Variants in SFSWAP observed in about 807,000 individuals in gnomAD.
The protein encoded by SFSWAP is splicing factor, suppressor of white-apricot homolog.
A neutral mutation model predicts 100.7 loss-of-function variants in SFSWAP; 17 were observed. That is an observed-to-expected ratio of 0.17 (90% confidence interval 0.12 to 0.25). SFSWAP has a LOEUF of 0.25. Ranked by LOEUF, SFSWAP falls within the 10% of genes least tolerant of loss-of-function variation. The probability of loss-of-function intolerance (pLI) is 1.00; values close to 1 mark genes in which losing one functional copy is unlikely to be tolerated. For missense variants in SFSWAP, 1,005 were observed against 1,262.6 expected (o/e 0.80, Z 3.09); for synonymous variants, 504 against 510.1 (o/e 0.99, Z 0.16).
chr12:131,743,689 C>A (rs926043865), intron 7 of SFSWAP, among the ~76,000 whole-genome samples: 2 of 152,186 alleles, frequency 1.3e-5, no homozygotes, highest in Admixed American at 6.5e-5. Context: ...GGATGGTGGC[C>A]CTCTTCTCAC....
chr12:131,738,367 C>T (rs1420792369), intron 7 of SFSWAP, among the ~76,000 whole-genome samples: 1 of 152,180 alleles, frequency 6.6e-6, no homozygotes. Flanking sequence ...GTGGAAAACA[C>T]TGAGGTCATC....
At chr12:131,764,426 T>C (rs1479853063) in intron 11 of SFSWAP, 30 bp from the exon 12 acceptor site, 3 of 1,571,870 alleles carry the variant, frequency 1.9e-6, no homozygotes, top group African/African-American at 1.4e-5. Context: ...CTCTGTAACA[T>C]GTATCATAAT....
intron 13 of SFSWAP, among the ~76,000 whole-genome samples, chr12:131,770,199 C>T (rs1378548060): frequency 6.6e-6 from 1 of 152,192 alleles, no homozygotes; most frequent in Non-Finnish European, 1.5e-5. Context: ...CTGCTTTACT[C>T]GCTGATGTTG....
At chr12:131,793,803 A>C (rs1885441064) in intron 15 of SFSWAP, among the ~76,000 whole-genome samples, 1 of 152,102 alleles carries the variant, frequency 6.6e-6, no homozygotes, top group South Asian at 2.1e-4. Context: ...CGGTACACAC[A>C]TGGAAAGATG....
chr12:131,743,800 G>T (rs1193021529), intron 7 of SFSWAP, among the ~76,000 whole-genome samples: 1 of 152,216 alleles, frequency 6.6e-6, no homozygotes, highest in Non-Finnish European at 1.5e-5. Flanking sequence ...TGAGGGCCCT[G>T]CCCCTGCCAC....
At chr12:131,786,629 AG>A in intron 15 of SFSWAP, 41 bp downstream of exon 15, 4 of 1,562,394 alleles carry the variant, frequency 2.6e-6, no homozygotes, top group South Asian at 1.2e-5. Flanking sequence ...GATGTGGGCC[AG>A]GTTTCCCTGG....
chr12:131,757,754 C>G (rs1367908881), intron 11 of SFSWAP, among the ~76,000 whole-genome samples: 4 of 152,178 alleles, frequency 2.6e-5, no homozygotes, highest in Non-Finnish European at 5.9e-5. Context: ...CTAGGCAATT[C>G]ACTATATGTG....
chr12:131,793,343 G>A (rs868281388), intron 15 of SFSWAP, among the ~76,000 whole-genome samples: 1 of 152,002 alleles, frequency 6.6e-6, no homozygotes, highest in South Asian at 2.1e-4. Flanking sequence ...CTTGGCCTCC[G>A]AAAATGCTGT....
intron 7 of SFSWAP, among the ~76,000 whole-genome samples, chr12:131,738,524 G>A (rs781074470): frequency 1.3e-5 from 2 of 152,196 alleles, no homozygotes; most frequent in Non-Finnish European, 2.9e-5. Flanking sequence ...TTAAACAGAA[G>A]AGCCTGCAAT....
At chr12:131,784,640 A>G (rs1884762291) in intron 14 of SFSWAP, 1 of 153,306 alleles carries the variant, frequency 6.5e-6, no homozygotes, top group Non-Finnish European at 1.5e-5. Flanking sequence ...TGATTTGCTT[A>G]TTAAATGGAA....
intron 11 of SFSWAP, among the ~76,000 whole-genome samples, chr12:131,760,673 ACTTGGAAACAGT>A (rs1240997920): frequency 6.6e-6 from 1 of 152,176 alleles, no homozygotes; most frequent in Non-Finnish European, 1.5e-5. Context: ...TTAAAAAAAA[ACTTGGAAACAGT>A]TATGGGAAAT....
In SFSWAP at chr12:131,725,686, C is replaced by G; in HGVS notation, c.832+56C>G. On this transcript the variant is annotated intron_variant, in intron 5 of 17. Coordinates refer to ENST00000261674, the MANE Select transcript of SFSWAP (RefSeq NM_004592.4). The surrounding 1 kb of genome is among the most constrained non-coding windows in gnomAD (Gnocchi z 4.3). ...CTTTGGGCCTGTGTTGTGGGGGCGG[C>G]AGGCTGGGTGGTTCTGGGAAAAGTG... The G allele has an allele frequency of 7.4e-7, 1 of 1,342,528 alleles. No homozygotes were observed. Among genetic ancestry groups the G allele is most frequent in the Non-Finnish European group, 1.1e-6 (1 of 950,698 alleles). The allele number at this position is 1,342,528 out of a possible 1,614,324, so 83.2% of individuals were successfully genotyped here.
At position 131,716,588 on chromosome 12, in the gene SFSWAP, C is replaced by T. The variant is rs535726570; in HGVS notation, c.520+1635C>T. Among the ~76,000 whole-genome samples the T allele has an allele frequency of 6.2e-4, 94 of 152,350 alleles. No homozygotes were observed. The South Asian group carries it at 7.0e-3, about 11-fold the overall frequency. ...AAATACAGTCAGCTTATTGGGTCCACATCTGTGGATTCAACCAACCACAGA... is the reference window on the plus strand; with the variant it reads ...AAATACAGTCAGCTTATTGGGTCCATATCTGTGGATTCAACCAACCACAGA... On this transcript the variant is annotated intron_variant, in intron 3 of 17. Coordinates refer to ENST00000261674, the MANE Select transcript of SFSWAP (RefSeq NM_004592.4).
chr12:131,769,488 G>A (rs1304776341), intron 13 of SFSWAP, among the ~76,000 whole-genome samples: 1 of 152,158 alleles, frequency 6.6e-6, no homozygotes, highest in Non-Finnish European at 1.5e-5. Flanking sequence ...TCAGTCACAA[G>A]TATAATTTAT....
intron 7 of SFSWAP, among the ~76,000 whole-genome samples, chr12:131,737,765 G>A (rs1880171121): frequency 6.6e-6 from 1 of 151,930 alleles, no homozygotes; most frequent in Non-Finnish European, 1.5e-5. Context: ...GGCAGCCTGG[G>A]AAGAAAAGCA....
chr12:131,798,618 G>A (rs1251099321), intron 16 of SFSWAP, among the ~76,000 whole-genome samples: 2 of 152,268 alleles, frequency 1.3e-5, no homozygotes, highest in Admixed American at 6.5e-5. Flanking sequence ...GGGTGGGCGC[G>A]GCGGCTCACG....
At chr12:131,793,472 C>T (rs1885420721) in intron 15 of SFSWAP, among the ~76,000 whole-genome samples, 1 of 152,052 alleles carries the variant, frequency 6.6e-6, no homozygotes, top group South Asian at 2.1e-4. Flanking sequence ...AAATTTAATT[C>T]AGGGCGGATC....
At chr12:131,751,812 G>A (rs1281301908) in intron 7 of SFSWAP, among the ~76,000 whole-genome samples, 1 of 152,222 alleles carries the variant, frequency 6.6e-6, no homozygotes, top group Non-Finnish European at 1.5e-5. Flanking sequence ...GCCTCCCATT[G>A]ACATCCAAGG....
At chr12:131,724,621 T>C (rs1256094337) in intron 4 of SFSWAP, among the ~76,000 whole-genome samples, 1 of 152,274 alleles carries the variant, frequency 6.6e-6, no homozygotes, top group African/African-American at 2.4e-5. Flanking sequence ...AAAGGTATTT[T>C]AGATGTGTGG....
Sources: gnomAD v4.1 joint callset for allele counts (sites outside exome capture counted in the v4.1 genomes callset) on GRCh38, gnomAD v4.1.1 for gene constraint, Gnocchi (gnomAD v3.1) non-coding constraint, MANE v1.5 for transcripts, NCBI Gene and HGNC (gene_info 2026-07-23, HGNC 2026-07-21) for gene names.